The following TTC13 variants were observed in gnomAD, a reference collection of about 807,000 sequenced individuals.
TTC13 encodes the protein tetratricopeptide repeat domain 13, also known as tetratricopeptide repeat protein 13.
A neutral mutation model predicts 120.0 loss-of-function variants in TTC13; 62 were observed. The ratio of observed to expected loss-of-function variants is 0.52; its 90% CI spans 0.42 to 0.64. TTC13 has a LOEUF of 0.64. Among genes scored for constraint, TTC13 ranks in the 30% least tolerant of loss-of-function variants. The probability of loss-of-function intolerance (pLI) is 0.00; values close to 1 mark genes in which losing one functional copy is unlikely to be tolerated. For synonymous variants in TTC13, 384 were observed against 393.5 expected (o/e 0.98, Z 0.28); for missense variants, 824 against 1,050.2 (o/e 0.78, Z 2.98).
chr1:230,961,985 C>A (rs559752199), intron 1 of TTC13, among the ~76,000 whole-genome samples: 1 of 151,660 alleles, frequency 6.6e-6, no homozygotes, highest in Non-Finnish European at 1.5e-5. Context: ...TCAAGGTGGG[C>A]GGATCACCTA....
chr1:230,958,232 T>G lies in TTC13; in HGVS notation c.434A>C (p.Glu145Ala). 1.9e-6 allele frequency: 3 copies of G among 1,613,368 alleles called. No homozygotes were observed. The highest frequency in any genetic ancestry group is 2.5e-6 in the Non-Finnish European group (3 of 1,179,854). The change falls in exon 3 of 23, where the codon GAA becomes GCA. Residue 145 changes from glutamate (E) to alanine (A), a missense_variant. Physicochemically the swap from Glu to Ala is moderately radical, Grantham distance 107. This residue lies in a region of TTC13 where 430 missense variants were observed against 626.8 expected (regional missense o/e 0.69). Transcript: ENST00000366661. ...CCAGATTCAAGTCTTACCTAACTCT[T>G]CATTTGTGCTGTCATTATCAGTGGC... The part of the protein sequence containing the change: ...PFATDNDSTN[E>A]ELAIAYVLIG...
intron 1 of TTC13, among the ~76,000 whole-genome samples, chr1:230,975,600 T>C (rs1678210558): frequency 1.3e-5 from 2 of 152,224 alleles, no homozygotes; most frequent in African/African-American, 4.8e-5. Flanking sequence ...TTTAAAATAA[T>C]ATTTTTTCTC....
intron 12 of TTC13, among the ~76,000 whole-genome samples, chr1:230,926,665 T>C (rs894850165): frequency 6.6e-5 from 10 of 152,222 alleles, no homozygotes; most frequent in Non-Finnish European, 1.3e-4. Context: ...GCTACTATGT[T>C]AACTCTTTTG....
rs1032190880 is a variant in TTC13 at position 230,950,971 on chromosome 1, T to C, written c.513+3362A>G. Among the ~76,000 whole-genome samples the C allele has an allele frequency of 7.3e-4, 111 of 152,238 alleles. 1 individual carries two copies. The highest frequency in any genetic ancestry group is 1.8e-4 in the Non-Finnish European group (12 of 68,040). ...TTGGCATAGAAGCAACACTAACTTA[T>C]AAGCTTTAAAAATCAAGAGTTTCCA... is the stretch of plus-strand genomic sequence containing the variant. On this transcript the variant is annotated intron_variant, in intron 4 of 22. Transcript: ENST00000366661.
intron 1 of TTC13, among the ~76,000 whole-genome samples, chr1:230,973,751 T>A (rs1677989152): frequency 6.6e-6 from 1 of 152,168 alleles, no homozygotes; most frequent in South Asian, 2.1e-4. Context: ...ATTTAATACA[T>A]GATTTGAAAG....
intron 1 of TTC13, among the ~76,000 whole-genome samples, chr1:230,977,461 T>C (rs1467295714): frequency 6.6e-6 from 1 of 152,156 alleles, no homozygotes; most frequent in Non-Finnish European, 1.5e-5. Context: ...CTTACGCCGT[T>C]ACCAGCTAAG....
At chr1:230,936,617 C>T (rs1674076225) in intron 8 of TTC13, 2 of 186,212 alleles carry the variant, frequency 1.1e-5, no homozygotes, top group South Asian at 2.1e-4. Context: ...TGATATAACC[C>T]CTGGATTAGA....
At chr1:230,961,886 T>C (rs748348040) in intron 1 of TTC13, among the ~76,000 whole-genome samples, 1 of 151,884 alleles carries the variant, frequency 6.6e-6, no homozygotes. Context: ...AAAAGGAGAA[T>C]AAGCCAAACC....
intron 4 of TTC13, among the ~76,000 whole-genome samples, chr1:230,952,948 G>C (rs971648686): frequency 6.6e-6 from 1 of 151,898 alleles, no homozygotes; most frequent in African/African-American, 2.4e-5. Context: ...TCAAAAAGTT[G>C]AATAAAATAA....
At chr1:230,922,951 A>G (rs1672721703) in intron 15 of TTC13, among the ~76,000 whole-genome samples, 1 of 152,244 alleles carries the variant, frequency 6.6e-6, no homozygotes, top group African/African-American at 2.4e-5. Flanking sequence ...TATGCCACAA[A>G]TTATTCCATG....
intron 3 of TTC13, among the ~76,000 whole-genome samples, chr1:230,957,239 C>A (rs555936667): frequency 4.6e-5 from 7 of 152,294 alleles, no homozygotes; most frequent in African/African-American, 1.2e-4. Context: ...GAGTTTGATA[C>A]CAGCCTGGGC....
At chr1:230,974,303 C>T (rs917450705) in intron 1 of TTC13, among the ~76,000 whole-genome samples, 2 of 152,170 alleles carry the variant, frequency 1.3e-5, no homozygotes, top group Admixed American at 1.3e-4. Context: ...TTTATCCTCT[C>T]ACACTGCTTT....
intron 1 of TTC13, among the ~76,000 whole-genome samples, chr1:230,966,121 A>G (rs1246340026): frequency 1.3e-5 from 2 of 152,182 alleles, no homozygotes; most frequent in Non-Finnish European, 2.9e-5. Flanking sequence ...CAATTATTGT[A>G]GCTTCACAAT....
intron 20 of TTC13, 27 bp downstream of exon 20, chr1:230,911,443 T>A: frequency 6.7e-7 from 1 of 1,496,130 alleles, no homozygotes; most frequent in East Asian, 2.3e-5. Context: ...CAATTTAAAA[T>A]AATTTTAATG....
rs1458942047 is a variant in TTC13, at chr1:230,911,513, C to A, written c.2266G>T (p.Val756Phe). ...DAVCNLILSL[V>F]YYFYNLMPLS... ...GGCATTAAATTATAAAAGTAATAAA[C>A]TAAGGATAAGATTAAGTTGCAGACA... Residue 756 changes from valine to phenylalanine, a missense_variant, in exon 20 of 23, where the codon GTT becomes TTT. Coordinates refer to ENST00000366661, the MANE Select transcript of TTC13 (RefSeq NM_024525.5). The A allele has an allele frequency of 6.2e-7, 1 of 1,606,678 alleles. No individual in the cohort carries two copies. The highest frequency in any genetic ancestry group is 8.5e-7 in the Non-Finnish European group (1 of 1,176,732).
intron 1 of TTC13, among the ~76,000 whole-genome samples, chr1:230,962,962 G>A (rs944906796): frequency 6.6e-6 from 1 of 152,188 alleles, no homozygotes; most frequent in African/African-American, 2.4e-5. Context: ...ACTGCTTAAT[G>A]AGTAAGGGGT....
chr1:230,931,191 CCT>C (rs1468501078), intron 11 of TTC13, 105 bp downstream of exon 11: 10 of 1,183,906 alleles, frequency 8.4e-6, no homozygotes, highest in Non-Finnish European at 1.2e-5. Context: ...AGTCACCTGG[CCT>C]CTTTCAGACT....
chr1:230,934,365 T>G (rs1321969324), intron 8 of TTC13, among the ~76,000 whole-genome samples: 2 of 151,956 alleles, frequency 1.3e-5, no homozygotes, highest in African/African-American at 4.8e-5. Context: ...ATCTGAAGGA[T>G]TCCCATGATC....
At chr1:230,969,594 C>A (rs1677512604) in intron 1 of TTC13, among the ~76,000 whole-genome samples, 1 of 152,142 alleles carries the variant, frequency 6.6e-6, no homozygotes, top group Non-Finnish European at 1.5e-5. Flanking sequence ...ATATTTAATT[C>A]TAGTATTTCT....
Sources: allele counts gnomAD v4.1 joint callset (sites outside exome capture counted in the v4.1 genomes callset), GRCh38; gene constraint gnomAD v4.1.1; regional missense constraint gnomAD v4.1.1; transcripts MANE v1.5; gene names NCBI Gene and HGNC (gene_info 2026-07-23, HGNC 2026-07-21).